The following GFRA1 variants were observed in gnomAD, a reference collection of about 807,000 sequenced individuals.
The protein encoded by GFRA1 is GDNF family receptor alpha-1.
In GFRA1, 16 loss-of-function variants were observed where a neutral mutation model predicts 51.6. The ratio of observed to expected loss-of-function variants is 0.31; its 90% CI spans 0.21 to 0.47. The LOEUF (loss-of-function observed/expected upper bound fraction) is 0.47. GFRA1 is among the 20% of genes least tolerant of loss of function. The pLI is 1.00. For synonymous variants in GFRA1, 270 were observed against 241.3 expected, an observed-to-expected ratio of 1.12 and a Z score of -1.10; for missense variants, 530 against 594.3, an observed-to-expected ratio of 0.89 and a Z score of 1.13.
intron 5 of GFRA1, among the ~76,000 whole-genome samples, chr10:116,189,497 C>T (rs1963055577): frequency 6.6e-6 from 1 of 152,208 alleles, no homozygotes; most frequent in Non-Finnish European, 1.5e-5. Flanking sequence ...TCCAGCTACG[C>T]TCCAAACACG....
chr10:116,064,579 C>T, intron 10 of GFRA1, 35 bp from the exon 11 acceptor site: 2 of 1,575,628 alleles, frequency 1.3e-6, no homozygotes, highest in Non-Finnish European at 1.7e-6. Flanking sequence ...TCATCCACTG[C>T]ATGTCTTCAT....
intron 4 of GFRA1, among the ~76,000 whole-genome samples, chr10:116,243,415 T>C (rs3740572): frequency 0.39 from 58,883 of 151,810 alleles, 12,681 homozygotes; most frequent in Non-Finnish European, 0.5. Context: ...TAGAATTTGG[T>C]ACTTCTCATT....
rs573012701 is a variant in GFRA1, at chr10:116,058,221, C to G, written c.*6177G>C. 1 of 152,414 alleles carries G rather than the reference C, an allele frequency of 6.6e-6. No homozygotes were observed. Among genetic ancestry groups the G allele is most frequent in the African/African-American group, 2.4e-5 (1 of 41,572 alleles). 9.4% of individuals were successfully genotyped at this position (152,414 alleles called of 1,614,324 possible). Reference sequence around the variant, plus strand: ...ACATCCACTGGATTTTCTAATTCTTCTTCCTACTTCACTCTAGTCTTAGGA... The same window carrying G: ...ACATCCACTGGATTTTCTAATTCTTGTTCCTACTTCACTCTAGTCTTAGGA... On this transcript the variant is annotated 3_prime_UTR_variant, in exon 11 of 11. Transcript: ENST00000355422.
At chr10:116,127,178 C>A (rs1382207678) in intron 5 of GFRA1, among the ~76,000 whole-genome samples, 3 of 152,026 alleles carry the variant, frequency 2.0e-5, no homozygotes, top group Non-Finnish European at 4.4e-5. Flanking sequence ...TTCTAGAGAT[C>A]TGCTCTATAA....
intron 4 of GFRA1, among the ~76,000 whole-genome samples, chr10:116,264,737 T>C (rs1474314048): frequency 6.6e-6 from 1 of 152,196 alleles, no homozygotes; most frequent in Non-Finnish European, 1.5e-5. Context: ...CTCAGTGAGC[T>C]TGAGTGGAGA....
chr10:116,141,405 G>A (rs1026691917), intron 5 of GFRA1, among the ~76,000 whole-genome samples: 10 of 152,184 alleles, frequency 6.6e-5, no homozygotes, highest in African/African-American at 2.4e-4. Flanking sequence ...AGGGCATCCA[G>A]GTCTTAGTTG....
chr10:116,096,875 G>C, intron 6 of GFRA1, 111 bp from the exon 7 acceptor site: 3 of 473,662 alleles, frequency 6.3e-6, no homozygotes, highest in South Asian at 2.0e-5. Flanking sequence ...TTCTGCACAC[G>C]CACACGCACA....
intron 5 of GFRA1, among the ~76,000 whole-genome samples, chr10:116,138,227 A>T (rs1443796083): frequency 6.6e-6 from 1 of 152,112 alleles, no homozygotes; most frequent in Non-Finnish European, 1.5e-5. Context: ...TCGTTCATGG[A>T]AACAGGTTTT....
chr10:116,187,595 C>T (rs1451200178), intron 5 of GFRA1, among the ~76,000 whole-genome samples: 1 of 152,140 alleles, frequency 6.6e-6, no homozygotes, highest in African/African-American at 2.4e-5. Context: ...TTTTATCTGG[C>T]CCAAGAATGC....
chr10:116,126,718 C>T (rs190660536), intron 5 of GFRA1, among the ~76,000 whole-genome samples: 43 of 152,254 alleles, frequency 2.8e-4, no homozygotes, highest in Admixed American at 2.5e-3. Flanking sequence ...GGCCTTAGCC[C>T]CTTCATGGAT....
chr10:116,093,814 G>A lies in GFRA1; in HGVS notation c.903C>T (p.Tyr301=). 6.2e-7 allele frequency: 1 copy of A among 1,614,060 alleles called. No individual in the cohort carries two copies. Among genetic ancestry groups the A allele is most frequent in the South Asian group, 1.1e-5 (1 of 91,082 alleles). The stretch of plus-strand genomic sequence containing the variant: ...CCACACTGAGGCTACTGGAGTCTAT[G>A]TAGTTGGGGGTCATGACTGTGCCTA... ...GLIGTVMTPN[Y]IDSSSLSVAP... is the part of the protein sequence containing the mutation. The change falls in exon 8 of 11, where the codon TAC becomes TAT. Residue 301 remains tyrosine, a synonymous_variant. Coordinates refer to ENST00000355422, the MANE Select transcript of GFRA1 (RefSeq NM_005264.8).
chr10:116,210,132 AAAG>A (rs1328602962), intron 5 of GFRA1, among the ~76,000 whole-genome samples: 1 of 152,176 alleles, frequency 6.6e-6, no homozygotes, highest in African/African-American at 2.4e-5. Flanking sequence ...ACTGATTAAA[AAAG>A]AAGGCAAACT....
chr10:116,149,178 G>A (rs551907737), intron 5 of GFRA1, among the ~76,000 whole-genome samples: 4 of 152,232 alleles, frequency 2.6e-5, no homozygotes, highest in African/African-American at 7.2e-5. Context: ...CAACATGCTC[G>A]AGAATACTTA....
intron 6 of GFRA1, among the ~76,000 whole-genome samples, chr10:116,119,076 T>C (rs1957544111): frequency 6.6e-6 from 1 of 152,134 alleles, no homozygotes; most frequent in Non-Finnish European, 1.5e-5. Flanking sequence ...GAGCCCGAGC[T>C]GATAGAGCTC....
At chr10:116,256,810 G>A (rs546565779) in intron 4 of GFRA1, among the ~76,000 whole-genome samples, 7 of 152,294 alleles carry the variant, frequency 4.6e-5, no homozygotes, top group Middle Eastern at 3.4e-3. Context: ...CAAAATAAAC[G>A]AATAAATAAG....
chr10:116,202,239 G>C (rs1964394201), intron 5 of GFRA1, among the ~76,000 whole-genome samples: 1 of 152,148 alleles, frequency 6.6e-6, no homozygotes. Flanking sequence ...AGAAGGGTGG[G>C]CAGAACTCCC....
At chr10:116,081,291 C>T (rs932612762) in intron 9 of GFRA1, among the ~76,000 whole-genome samples, 2 of 152,130 alleles carry the variant, frequency 1.3e-5, no homozygotes, top group Non-Finnish European at 1.5e-5. Flanking sequence ...GTGGTTAGCT[C>T]GGAATTGAGT....
chr10:116,088,290 T>C (rs928715513), intron 9 of GFRA1, among the ~76,000 whole-genome samples: 2 of 12,702 alleles, frequency 1.6e-4, no homozygotes, highest in African/African-American at 8.3e-4. Flanking sequence ...AGGCTGACCC[T>C]TGATGGGGGC....
At chr10:116,137,545 C>A (rs1403534199) in intron 5 of GFRA1, among the ~76,000 whole-genome samples, 1 of 152,194 alleles carries the variant, frequency 6.6e-6, no homozygotes, top group East Asian at 1.9e-4. Flanking sequence ...ACCGTCACCA[C>A]AGCCCTGCAA....
Sources: gnomAD v4.1 joint callset for allele counts (sites outside exome capture counted in the v4.1 genomes callset) on GRCh38, gnomAD v4.1.1 for gene constraint, MANE v1.5 for transcripts, NCBI Gene and HGNC (gene_info 2026-07-23, HGNC 2026-07-21) for gene names.